Variants in DOCK3 observed in about 807,000 individuals in gnomAD.
DOCK3 encodes the protein dedicator of cytokinesis 3.
In DOCK3, 60 loss-of-function variants were observed where a neutral mutation model predicts 265.6. The ratio of observed to expected loss-of-function variants is 0.23; its 90% CI spans 0.18 to 0.28. The LOEUF (loss-of-function observed/expected upper bound fraction) is 0.28, where lower values mean the gene tolerates loss of function less well. DOCK3 is among the 10% of genes least tolerant of loss of function. The pLI is 1.00. For missense variants in DOCK3, 1,981 were observed against 2,594.3 expected (o/e 0.76, Z 5.14); for synonymous variants, 881 against 938.0 (o/e 0.94, Z 1.11).
intron 40 of DOCK3, among the ~76,000 whole-genome samples, chr3:51,354,228 C>CG (rs1332196175): frequency 5.3e-5 from 8 of 151,608 alleles, no homozygotes; most frequent in Admixed American, 3.3e-4. Flanking sequence ...CCACCCCCCC[C>CG]CCATTTAAAA....
chr3:50,977,223 A>G (rs555072613), intron 5 of DOCK3, among the ~76,000 whole-genome samples: 145 of 150,688 alleles, frequency 9.6e-4, no homozygotes, highest in African/African-American at 3.4e-3. Flanking sequence ...TAGTTGATGC[A>G]GTTTCTTCCT....
At chr3:51,183,815 C>T (rs1358931367) in intron 12 of DOCK3, among the ~76,000 whole-genome samples, 1 of 152,108 alleles carries the variant, frequency 6.6e-6, no homozygotes, top group Non-Finnish European at 1.5e-5. Flanking sequence ...GGGTTGGAGA[C>T]ATTGTATAAA....
intron 1 of DOCK3, among the ~76,000 whole-genome samples, chr3:50,694,867 A>G (rs1375683257): frequency 6.6e-6 from 1 of 152,214 alleles, no homozygotes; most frequent in African/African-American, 2.4e-5. Flanking sequence ...AAAAGAACTC[A>G]GTATAAATAG....
At chr3:50,918,430 T>G (rs923959566) in intron 4 of DOCK3, among the ~76,000 whole-genome samples, 2 of 152,166 alleles carry the variant, frequency 1.3e-5, no homozygotes, top group African/African-American at 4.8e-5. Context: ...TGTTGTTAAC[T>G]GACTTTTTAA....
intron 5 of DOCK3, among the ~76,000 whole-genome samples, chr3:51,029,623 C>A (rs539064181): frequency 6.6e-6 from 1 of 152,166 alleles, no homozygotes; most frequent in African/African-American, 2.4e-5. Flanking sequence ...TGTCCCAAGG[C>A]GGGGCTTTGG....
In DOCK3 at chr3:51,225,709, A is replaced by G; in HGVS notation, c.1313A>G (p.Lys438Arg). ...LEKGDFERGGKSVQKNIEVTM... is the reference protein window; with the variant it reads ...LEKGDFERGGRSVQKNIEVTM... ...AAGGGGGATTTCGAGAGAGGAGGAAAGAGTGTACAAAAGAATATTGAAGTG... is the reference window on the plus strand; with the variant it reads ...AAGGGGGATTTCGAGAGAGGAGGAAGGAGTGTACAAAAGAATATTGAAGTG... Residue 438 changes from lysine (K) to arginine (R), a missense_variant, in exon 15 of 53, where the codon AAG becomes AGG. This residue lies in a region of DOCK3 where 19 missense variants were observed against 43.8 expected (regional missense o/e 0.43). Coordinates refer to ENST00000266037, the MANE Select transcript of DOCK3 (RefSeq NM_004947.5). 2 of 1,613,830 alleles carry G rather than the reference A, an allele frequency of 1.2e-6. No individual in the cohort carries two copies. The highest frequency in any genetic ancestry group is 1.7e-6 in the Non-Finnish European group (2 of 1,179,776).
intron 33 of DOCK3, among the ~76,000 whole-genome samples, 188 bp downstream of exon 33, chr3:51,330,411 A>G (rs1390767906): frequency 1.3e-5 from 2 of 152,220 alleles, no homozygotes; most frequent in Admixed American, 1.3e-4. Flanking sequence ...GGATTCCCAT[A>G]GTTGACTGAA....
At chr3:50,853,647 C>G (rs1206397054) in intron 3 of DOCK3, among the ~76,000 whole-genome samples, 1 of 152,030 alleles carries the variant, frequency 6.6e-6, no homozygotes. Context: ...TGATTTCATT[C>G]TGTTTTATGC....
chr3:50,737,364 C>G (rs181058642), intron 1 of DOCK3, among the ~76,000 whole-genome samples: 66 of 152,216 alleles, frequency 4.3e-4, no homozygotes, highest in Non-Finnish European at 4.0e-4. Flanking sequence ...CAGTTTTAAA[C>G]AACCAGATCT....
intron 33 of DOCK3, among the ~76,000 whole-genome samples, chr3:51,331,334 T>G (rs548808488): frequency 5.9e-5 from 9 of 152,246 alleles, no homozygotes; most frequent in Non-Finnish European, 1.3e-4. Flanking sequence ...TATTTCTTTT[T>G]TAGCCGAAGA....
chr3:51,200,584 C>T (rs964201136), intron 12 of DOCK3, among the ~76,000 whole-genome samples: 38 of 151,896 alleles, frequency 2.5e-4, no homozygotes, highest in South Asian at 4.2e-4. Flanking sequence ...TGGAACCAAG[C>T]GGGAAAACAC....
chr3:51,043,372 T>C (rs976553860), intron 5 of DOCK3, among the ~76,000 whole-genome samples: 1 of 152,188 alleles, frequency 6.6e-6, no homozygotes, highest in Non-Finnish European at 1.5e-5. Flanking sequence ...CTGGGATAAC[T>C]GTCTAGCCAT....
chr3:50,922,788 G>A (rs902952045), intron 4 of DOCK3, among the ~76,000 whole-genome samples: 1 of 149,996 alleles, frequency 6.7e-6, no homozygotes, highest in African/African-American at 2.5e-5. Flanking sequence ...TCTCTCCATA[G>A]GTTGTTGGGA....
chr3:50,812,449 A>G (rs2043816358), intron 2 of DOCK3, among the ~76,000 whole-genome samples: 1 of 152,232 alleles, frequency 6.6e-6, no homozygotes, highest in African/African-American at 2.4e-5. Flanking sequence ...ATTTGTTTCT[A>G]TGGAAAACCC....
At chr3:51,275,541 T>A (rs1432856329) in intron 25 of DOCK3, among the ~76,000 whole-genome samples, 7 of 152,192 alleles carry the variant, frequency 4.6e-5, no homozygotes, top group Non-Finnish European at 1.0e-4. Context: ...TATTCAGGCA[T>A]GAGCACAGGG....
chr3:51,379,046 G>A (rs1279111202), intron 51 of DOCK3, among the ~76,000 whole-genome samples: 1 of 152,220 alleles, frequency 6.6e-6, no homozygotes, highest in Non-Finnish European at 1.5e-5. Flanking sequence ...TGGGCAGTAG[G>A]AGAGCTGACT....
At chr3:50,736,352 A>G (rs2038611827) in intron 1 of DOCK3, among the ~76,000 whole-genome samples, 1 of 152,210 alleles carries the variant, frequency 6.6e-6, no homozygotes, top group Non-Finnish European at 1.5e-5. Context: ...ATAGTGCCAC[A>G]ATAAACATAT....
rs1431881503 is a variant in DOCK3, at chr3:51,374,400, G to A, written c.5294-69G>A. The A allele has an allele frequency of 1.3e-5, 19 of 1,449,252 alleles. No individual in the cohort carries two copies. The allele number at this position is 1,449,252 out of a possible 1,614,324, so 89.8% of individuals were successfully genotyped here. A position where few individuals can be genotyped will look rare whatever the true frequency, so the allele number is the denominator to read the frequency against. On this transcript the variant is annotated intron_variant, in intron 49 of 52. Transcript: ENST00000266037. This position sits in a 1 kb window ranked among gnomAD's most constrained non-coding sequence, Gnocchi z 4.8. ...CCTACCCTGGTTCCCTAGTCCTGAGGATGCTTGACTGCTGGACCCTCCATC... is the reference window on the plus strand; with the variant it reads ...CCTACCCTGGTTCCCTAGTCCTGAGAATGCTTGACTGCTGGACCCTCCATC...
intron 1 of DOCK3, among the ~76,000 whole-genome samples, chr3:50,701,030 C>T (rs911699284): frequency 6.6e-6 from 1 of 151,926 alleles, no homozygotes; most frequent in Admixed American, 6.6e-5. Flanking sequence ...ATTTGCATTT[C>T]CCTGATGGTT....
Sources: allele counts gnomAD v4.1 joint callset (sites outside exome capture counted in the v4.1 genomes callset), GRCh38; gene constraint gnomAD v4.1.1; regional missense constraint gnomAD v4.1.1; non-coding constraint Gnocchi (gnomAD v3.1); transcripts MANE v1.5; gene names NCBI Gene and HGNC (gene_info 2026-07-23, HGNC 2026-07-21).